NKX2-5: variants seen among roughly 807,000 people sequenced by gnomAD.
NKX2-5 encodes homeobox protein Nkx-2.5.
In NKX2-5, 3 loss-of-function variants were observed where a neutral mutation model predicts 24.5. The ratio of observed to expected loss-of-function variants is 0.12; its 90% CI spans 0.06 to 0.32. The LOEUF (loss-of-function observed/expected upper bound fraction) is 0.32. Ranked by LOEUF, NKX2-5 falls within the 10% of genes least tolerant of loss-of-function variation. The pLI is 1.00. For missense variants in NKX2-5, 429 were observed against 452.4 expected, an observed-to-expected ratio of 0.95 and a Z score of 0.47; for synonymous variants, 215 against 217.6, an observed-to-expected ratio of 0.99 and a Z score of 0.11.
At chr5:173,234,211 C>G (rs1390844146) in intron 1 of NKX2-5, 28 of 1,247,860 alleles carry the variant, frequency 2.2e-5, no homozygotes, top group Non-Finnish European at 2.9e-5. Flanking sequence ...GGCCCTCGAT[C>G]CCAGACTCCA....
chr5:173,234,671 T>A, intron 1 of NKX2-5, 79 bp downstream of exon 1: 1 of 1,277,238 alleles, frequency 7.8e-7, no homozygotes. Flanking sequence ...AGGGCGCGTG[T>A]CTCCTCCTCC....
chr5:173,233,525 AAAAAAAT>A, intron 1 of NKX2-5: 2 of 854,634 alleles, frequency 2.3e-6, no homozygotes, highest in South Asian at 1.7e-5. Flanking sequence ...AAAAATAAAT[AAAAAAAT>A]AAAAAAATAA....
chr5:173,233,932 C>T (rs146023623), intron 1 of NKX2-5: 6 of 1,185,220 alleles, frequency 5.1e-6, no homozygotes, highest in Non-Finnish European at 5.3e-6. Flanking sequence ...TGCGGCCTCC[C>T]GGGAATCGCC....
At position 173,233,516 on chromosome 5, in the gene NKX2-5, A is replaced by T. The variant is rs536213285; in HGVS notation, c.335-307T>A. ...AAAATTTCAGGCTGCAAAAAAAAAA[A>T]AAATAAATAAAAAAATAAAAAAATA... On this transcript the variant is annotated intron_variant, in intron 1 of 1. Coordinates refer to ENST00000329198, the MANE Select transcript of NKX2-5 (RefSeq NM_004387.4). 4.0e-3 allele frequency: 3,304 copies of T among 819,178 alleles called. 118 individuals carry two copies. In the African/African-American group the frequency reaches 0.043, roughly 11 times the overall value. 50.7% of individuals were successfully genotyped at this position (819,178 alleles called of 1,614,324 possible). A position where few individuals can be genotyped will look rare whatever the true frequency, so the allele number is the denominator to read the frequency against.
In NKX2-5 at chr5:173,232,745, C is replaced by G. The variant is rs780688010; in HGVS notation, c.799G>C (p.Gly267Arg). ...PGYGGAACSP[G>R]YSCTAAYPAG... ...GGGTAAGCGGCAGTGCAGCTGTAGCCAGGGCTGCAGGCCGCGCCGCCGTAA... is the reference window on the plus strand; with the variant it reads ...GGGTAAGCGGCAGTGCAGCTGTAGCGAGGGCTGCAGGCCGCGCCGCCGTAA... Residue 267 changes from glycine (G) to arginine (R), a missense_variant, in exon 2 of 2, where the codon GGC becomes CGC. Transcript: ENST00000329198. The surrounding 1 kb of genome is among the most constrained non-coding windows in gnomAD (Gnocchi z 5.9). 1.9e-6 allele frequency: 3 copies of G among 1,604,492 alleles called. No individual in the cohort carries two copies. The African/African-American group carries it at 4.0e-5, about 21-fold the overall frequency.
rs763540247 is a variant in NKX2-5 at position 173,233,521 on chromosome 5, AAAT to A, written c.335-315_335-313del. On this transcript the variant is annotated intron_variant, in intron 1 of 1. Coordinates refer to ENST00000329198, the MANE Select transcript of NKX2-5 (RefSeq NM_004387.4). ...TTCAGGCTGCAAAAAAAAAAAAAATAAATAAAAAAATAAAAAAATAAAAATAAA... is the reference window on the plus strand; with the variant it reads ...TTCAGGCTGCAAAAAAAAAAAAAATAAAAAAAATAAAAAAATAAAAATAAA... 3.4e-3 allele frequency: 2,010 copies of A among 598,276 alleles called. 96 individuals are homozygous for A. Among genetic ancestry groups the A allele is most frequent in the South Asian group, 7.0e-3 (302 of 43,328 alleles). 37.1% of individuals were successfully genotyped at this position (598,276 alleles called of 1,614,324 possible).
chr5:173,232,369 G>A lies in NKX2-5; in HGVS notation c.*200C>T. ...ACACCAGGCTGCAGGATCACTCATT[G>A]CACGCTGCATAATCGCCGCCACAAA... is the stretch of plus-strand genomic sequence containing the variant. On this transcript the variant is annotated 3_prime_UTR_variant, in exon 2 of 2. Transcript: ENST00000329198. The surrounding 1 kb of genome is among the most constrained non-coding windows in gnomAD (Gnocchi z 5.9). 1.0e-6 allele frequency: 1 copy of A among 995,518 alleles called. No individual in the cohort carries two copies. Among genetic ancestry groups the A allele is most frequent in the Non-Finnish European group, 1.5e-6 (1 of 689,272 alleles). 61.7% of individuals were successfully genotyped at this position (995,518 alleles called of 1,614,324 possible).
chr5:173,232,423 TG>T lies in NKX2-5; in HGVS notation c.*145del. The T allele has an allele frequency of 7.0e-7, 1 of 1,427,724 alleles. No homozygotes were observed. Among genetic ancestry groups the T allele is most frequent in the Non-Finnish European group, 9.4e-7 (1 of 1,066,178 alleles). 88.4% of individuals were successfully genotyped at this position (1,427,724 alleles called of 1,614,324 possible). ...TCCCGTGCGCAAGAACAAACGCGCG[TG>T]GGACAGAAAAAGTTCCTAGGTCTCC... is the stretch of plus-strand genomic sequence containing the variant. On this transcript the variant is annotated 3_prime_UTR_variant, in exon 2 of 2. Coordinates refer to ENST00000329198, the MANE Select transcript of NKX2-5 (RefSeq NM_004387.4). The surrounding 1 kb of genome is among the most constrained non-coding windows in gnomAD (Gnocchi z 5.9).
rs1561621190 is a variant in NKX2-5 at position 173,234,732 on chromosome 5, C to T, written c.334+18G>A. 4 of 1,498,548 alleles carry T rather than the reference C, an allele frequency of 2.7e-6. No homozygotes were observed. The highest frequency in any genetic ancestry group is 3.6e-6 in the Non-Finnish European group (4 of 1,125,650). 92.8% of individuals were successfully genotyped at this position (1,498,548 alleles called of 1,614,324 possible). On this transcript the variant is annotated intron_variant, in intron 1 of 1. Transcript: ENST00000329198. ...AGCGACCCAGGAGGGGAGAAGGGGGCCTGTGTTTCCTCCTCACCTTTCTTT... is the reference window on the plus strand; with the variant it reads ...AGCGACCCAGGAGGGGAGAAGGGGGTCTGTGTTTCCTCCTCACCTTTCTTT...
intron 1 of NKX2-5, chr5:173,234,273 C>A: frequency 8.3e-7 from 1 of 1,203,686 alleles, no homozygotes; most frequent in Non-Finnish European, 1.1e-6. Context: ...CGTGGGTGGG[C>A]TGCAGAAAGA....
chr5:173,234,235 A>G (rs1761409657), intron 1 of NKX2-5: 2 of 1,216,560 alleles, frequency 1.6e-6, no homozygotes, highest in Admixed American at 6.2e-5. Flanking sequence ...TCCTGGCGCA[A>G]AGAAAGAAAG....
chr5:173,233,520 T>TAAAA (rs766931455), intron 1 of NKX2-5: 11 of 494,422 alleles, frequency 2.2e-5, no homozygotes, highest in African/African-American at 1.1e-4. Context: ...AAAAAAAAAA[T>TAAAA]AAATAAAAAA....
chr5:173,233,143 C>T lies in NKX2-5; in HGVS notation c.401G>A (p.Arg134Gln). 1 of 1,602,348 alleles carries T rather than the reference C, an allele frequency of 6.2e-7. No individual in the cohort carries two copies. The highest frequency in any genetic ancestry group is 8.5e-7 in the Non-Finnish European group (1 of 1,176,566). Residue 134 changes from arginine (R) to glutamine (Q), a missense_variant, in exon 2 of 2, where the codon CGG (arginine) becomes CAG (glutamine). Coordinates refer to ENST00000329198, the MANE Select transcript of NKX2-5 (RefSeq NM_004387.4). Reference sequence around the variant, plus strand: ...GCGCGGCTTCCTCCGCCGTCGCGCCCGGGGCCGCTCCGCGTTGTCCGCCTC... The same window carrying T: ...GCGCGGCTTCCTCCGCCGTCGCGCCTGGGGCCGCTCCGCGTTGTCCGCCTC... ...KTEADNAERPRARRRRKPRVL... is the reference protein window; with the variant it reads ...KTEADNAERPQARRRRKPRVL...
At position 173,232,880 on chromosome 5, in the gene NKX2-5, C is replaced by G; in HGVS notation, c.664G>C (p.Val222Leu). 6.2e-7 allele frequency: 1 copy of G among 1,610,294 alleles called. No individual in the cohort carries two copies. The highest frequency in any genetic ancestry group is 8.5e-7 in the Non-Finnish European group (1 of 1,178,882). The stretch of plus-strand genomic sequence containing the variant: ...CATGGCTTGCCATCGCGCACCAGCA[C>G]TGGCACCGCGATCCTGCGGGCAGGC... ...PPPARRIAVPVLVRDGKPCLG... is the reference protein window; with the variant it reads ...PPPARRIAVPLLVRDGKPCLG... Residue 222 changes from valine (V) to leucine (L), a missense_variant, in exon 2 of 2, where the codon GTG (valine) becomes CTG (leucine). Coordinates refer to ENST00000329198, the MANE Select transcript of NKX2-5 (RefSeq NM_004387.4). This position sits in a 1 kb window ranked among gnomAD's most constrained non-coding sequence, Gnocchi z 5.9.
At chr5:173,234,141 C>T in intron 1 of NKX2-5, 1 of 1,288,338 alleles carries the variant, frequency 7.8e-7, no homozygotes, top group Non-Finnish European at 1.0e-6. Context: ...GCAAGTTGTG[C>T]TGAAAAAATA....
In NKX2-5 at chr5:173,235,000, A is replaced by T. The variant is rs1403843686; in HGVS notation, c.84T>A (p.Ala28=). Residue 28 remains alanine, a synonymous_variant, in exon 1 of 2, where the codon GCT becomes GCA. Coordinates refer to ENST00000329198, the MANE Select transcript of NKX2-5 (RefSeq NM_004387.4). ...GGCGGGCAGAGAGCTCTCCGGCGGC[A>T]GCCAGGCTGCGCTGCTGCTGTTCCA... ...LNLEQQQRSL[A]AAGELSARLE... is the part of the protein sequence containing the mutation. The T allele has an allele frequency of 3.7e-6, 6 of 1,612,124 alleles. No homozygotes were observed. In the South Asian group the frequency reaches 4.4e-5, roughly 12 times the overall value.
rs1050349291 is a variant in NKX2-5, at chr5:173,233,892, G to C, written c.335-683C>G. 4 of 985,322 alleles carry C rather than the reference G, an allele frequency of 4.1e-6. No individual in the cohort carries two copies. The Admixed American group carries it at 1.8e-4, about 45-fold the overall frequency. 61.0% of individuals were successfully genotyped at this position (985,322 alleles called of 1,614,324 possible). A position where few individuals can be genotyped will look rare whatever the true frequency, so the allele number is the denominator to read the frequency against. On this transcript the variant is annotated intron_variant, in intron 1 of 1. Transcript: ENST00000329198. Reference sequence around the variant, plus strand: ...TATGAATTCTCTCCCGGCTGGCAGCGGCCCTTCGCCCAGCGCTTCGCCCAG... The same window carrying C: ...TATGAATTCTCTCCCGGCTGGCAGCCGCCCTTCGCCCAGCGCTTCGCCCAG...
chr5:173,234,084 ATTTCCTAACT>A (rs1457708309), intron 1 of NKX2-5: 1 of 1,289,422 alleles, frequency 7.8e-7, no homozygotes, highest in South Asian at 1.2e-5. Context: ...GTAGCGCAGC[ATTTCCTAACT>A]TTTCCACGAG....
At chr5:173,233,743 A>G (rs1761395018) in intron 1 of NKX2-5, 3 of 715,224 alleles carry the variant, frequency 4.2e-6, no homozygotes, top group Non-Finnish European at 5.1e-6. Flanking sequence ...GCAGTGTCCA[A>G]GAAGCTGCGG....
Sources: gnomAD v4.1 joint callset for allele counts on GRCh38, gnomAD v4.1.1 for gene constraint, Gnocchi (gnomAD v3.1) non-coding constraint, MANE v1.5 for transcripts, NCBI Gene and HGNC (gene_info 2026-07-23, HGNC 2026-07-21) for gene names.